Variants in KCNMA1 observed in about 807,000 individuals in gnomAD.
KCNMA1 encodes the protein potassium calcium-activated channel subfamily M alpha 1.
In KCNMA1, 29 loss-of-function variants were observed where a neutral mutation model predicts 140.0. The ratio of observed to expected loss-of-function variants is 0.21; its 90% CI spans 0.15 to 0.28. The LOEUF (loss-of-function observed/expected upper bound fraction) is 0.28. Ranked by LOEUF, KCNMA1 falls within the 10% of genes least tolerant of loss-of-function variation. KCNMA1 has a pLI of 1.00. For synonymous variants in KCNMA1, 612 were observed against 611.9 expected (o/e 1.00, Z 0.00); for missense variants, 880 against 1,602.2 (o/e 0.55, Z 7.70).
chr10:77,549,659 G>C (rs2062275594), intron 1 of KCNMA1, among the ~76,000 whole-genome samples: 1 of 152,238 alleles, frequency 6.6e-6, no homozygotes, highest in Non-Finnish European at 1.5e-5. Context: ...AGCTCTGTCA[G>C]CCTCCATTCA....
chr10:77,506,632 A>T (rs1239197895), intron 1 of KCNMA1, among the ~76,000 whole-genome samples: 11 of 137,228 alleles, frequency 8.0e-5, no homozygotes, highest in African/African-American at 3.0e-4. Flanking sequence ...AGAGAGGGAG[A>T]GAGACAGAGA....
At chr10:76,998,140 C>A (rs947146368) in intron 19 of KCNMA1, among the ~76,000 whole-genome samples, 1 of 152,150 alleles carries the variant, frequency 6.6e-6, no homozygotes, top group Non-Finnish European at 1.5e-5. Flanking sequence ...TAATGGGCCA[C>A]ACCTCCATAG....
At chr10:77,629,555 C>T (rs1253798970) in intron 1 of KCNMA1, among the ~76,000 whole-genome samples, 2 of 152,202 alleles carry the variant, frequency 1.3e-5, no homozygotes, top group Non-Finnish European at 2.9e-5. Context: ...AGCCTTCCAA[C>T]ATCTACGTGT....
chr10:77,198,472 T>C (rs1055937310), intron 3 of KCNMA1, among the ~76,000 whole-genome samples: 20 of 151,802 alleles, frequency 1.3e-4, no homozygotes, highest in African/African-American at 4.8e-4. Context: ...GCTCACCTCA[T>C]ACATATTGAC....
At chr10:77,100,399 A>G (rs1481454948) in intron 9 of KCNMA1, among the ~76,000 whole-genome samples, 1 of 152,096 alleles carries the variant, frequency 6.6e-6, no homozygotes, top group Non-Finnish European at 1.5e-5. Flanking sequence ...TTACTTTTCC[A>G]GCAACTGGTA....
At chr10:77,186,361 CA>C (rs1169298514) in intron 3 of KCNMA1, among the ~76,000 whole-genome samples, 1 of 131,138 alleles carries the variant, frequency 7.6e-6, no homozygotes, top group South Asian at 2.8e-4. Context: ...AAAAACAGTT[CA>C]AAAAAAAACA....
chr10:76,902,226 C>T (rs2045795585), intron 25 of KCNMA1: 1 of 152,208 alleles, frequency 6.6e-6, no homozygotes, highest in Non-Finnish European at 1.5e-5. Context: ...GCGGAGGAAA[C>T]CTCTCTACAA....
intron 4 of KCNMA1, among the ~76,000 whole-genome samples, chr10:77,184,000 T>G (rs552842209): frequency 6.6e-6 from 1 of 152,096 alleles, no homozygotes; most frequent in Non-Finnish European, 1.5e-5. Context: ...GATTGGGTGA[T>G]TTTACTTGTA....
chr10:77,083,750 G>A (rs761711997), intron 12 of KCNMA1, among the ~76,000 whole-genome samples: 12 of 147,942 alleles, frequency 8.1e-5, no homozygotes, highest in African/African-American at 2.2e-4. Context: ...TGAGAGGATC[G>A]TTTGGGCTCA....
At chr10:77,134,521 T>C (rs2097938509) in intron 5 of KCNMA1, among the ~76,000 whole-genome samples, 1 of 152,060 alleles carries the variant, frequency 6.6e-6, no homozygotes, top group Non-Finnish European at 1.5e-5. Flanking sequence ...TCACAATGAA[T>C]TAATGACTTA....
At chr10:77,155,583 T>C (rs1484046848) in intron 5 of KCNMA1, among the ~76,000 whole-genome samples, 1 of 151,790 alleles carries the variant, frequency 6.6e-6, no homozygotes, top group Non-Finnish European at 1.5e-5. Flanking sequence ...TCTGGCTGCC[T>C]CTCCCATGCT....
At chr10:77,462,389 A>G (rs1254002452) in intron 1 of KCNMA1, among the ~76,000 whole-genome samples, 1 of 151,158 alleles carries the variant, frequency 6.6e-6, no homozygotes, top group Non-Finnish European at 1.5e-5. Context: ...AGACGTAAAA[A>G]CACATATATT....
At chr10:77,195,975 A>G (rs55823569) in intron 3 of KCNMA1, among the ~76,000 whole-genome samples, 24,364 of 152,026 alleles carry the variant, frequency 0.16, 2,420 homozygotes, top group Non-Finnish European at 0.21. Context: ...ATAAATAGCT[A>G]TTTCCACCAT....
At chr10:77,637,188 G>C (rs1213622118) in intron 1 of KCNMA1, 77 bp downstream of exon 1, 2 of 1,375,014 alleles carry the variant, frequency 1.5e-6, no homozygotes, top group Non-Finnish European at 2.0e-6. Context: ...GCGGCGCGGA[G>C]CGAGGAGGTG....
At chr10:77,130,494 A>G (rs2097838565) in intron 5 of KCNMA1, among the ~76,000 whole-genome samples, 1 of 152,222 alleles carries the variant, frequency 6.6e-6, no homozygotes, top group African/African-American at 2.4e-5. Flanking sequence ...ATTGAGAAGC[A>G]TCTGTATTCT....
At chr10:77,596,474 T>C (rs2080966994) in intron 1 of KCNMA1, among the ~76,000 whole-genome samples, 1 of 152,140 alleles carries the variant, frequency 6.6e-6, no homozygotes, top group South Asian at 2.1e-4. Flanking sequence ...ACTAAACAGA[T>C]GAAAAGTCTA....
At chr10:77,008,129 C>G in intron 18 of KCNMA1, 9 of 1,489,030 alleles carry the variant, frequency 6.0e-6, no homozygotes, top group Middle Eastern at 3.4e-4. Flanking sequence ...AGTATCTCTT[C>G]TAGAGAAAGA....
intron 14 of KCNMA1, among the ~76,000 whole-genome samples, chr10:77,067,271 C>T (rs2153690838): frequency 6.6e-6 from 1 of 152,300 alleles, no homozygotes; most frequent in South Asian, 2.1e-4. Context: ...AGAATTTCCT[C>T]CCTCTGCCTG....
intron 2 of KCNMA1, among the ~76,000 whole-genome samples, chr10:77,296,543 A>G (rs942136395): frequency 6.6e-6 from 1 of 152,210 alleles, no homozygotes; most frequent in Non-Finnish European, 1.5e-5. Flanking sequence ...AAGGGGGACC[A>G]TCAGCCATGC....
Sources: gnomAD v4.1 joint callset for allele counts (sites outside exome capture counted in the v4.1 genomes callset) on GRCh38, gnomAD v4.1.1 for gene constraint, MANE v1.5 for transcripts, NCBI Gene and HGNC (gene_info 2026-07-23, HGNC 2026-07-21) for gene names.